SIK3: variants seen among roughly 807,000 people sequenced by gnomAD.
The protein encoded by SIK3 is SIK family kinase 3, also known as serine/threonine-protein kinase SIK3.
SIK3 carries 28 observed loss-of-function variants against 144.2 expected under a neutral mutation model. That is an observed-to-expected ratio of 0.19 (90% CI 0.14 to 0.27). The LOEUF is 0.27. SIK3 is among the 10% of genes least tolerant of loss of function. SIK3 has a pLI of 1.00. For synonymous variants in SIK3, 686 were observed against 676.3 expected (o/e 1.01, Z -0.22); for missense variants, 1,319 against 1,776.0 (o/e 0.74, Z 4.62).
intron 1 of SIK3, among the ~76,000 whole-genome samples, chr11:116,998,402 C>T (rs1392271185): frequency 6.8e-6 from 1 of 147,658 alleles, no homozygotes; most frequent in African/African-American, 2.5e-5. Context: ...ACCCTGGAGG[C>T]GAAGGCTGCA....
At chr11:116,888,873 A>G (rs1002549297) in intron 6 of SIK3, among the ~76,000 whole-genome samples, 1 of 152,216 alleles carries the variant, frequency 6.6e-6, no homozygotes, top group Non-Finnish European at 1.5e-5. Context: ...GTTTATTTCT[A>G]AGCACTAATA....
intron 1 of SIK3, among the ~76,000 whole-genome samples, chr11:117,051,174 C>T (rs1591613184): frequency 6.6e-6 from 1 of 152,300 alleles, no homozygotes; most frequent in East Asian, 1.9e-4. Context: ...CTGGGATATC[C>T]ATCTTCTCCC....
intron 1 of SIK3, among the ~76,000 whole-genome samples, chr11:117,069,186 G>GC (rs1954153237): frequency 1.3e-4 from 1 of 7,746 alleles, no homozygotes; most frequent in Admixed American, 1.0e-3. Flanking sequence ...TTTTTTTTTG[G>GC]GGGGGGGGGG....
chr11:116,977,412 A>G (rs563071349), intron 1 of SIK3, among the ~76,000 whole-genome samples: 3 of 152,278 alleles, frequency 2.0e-5, no homozygotes, highest in Non-Finnish European at 4.4e-5. Context: ...GGCTCTTCAA[A>G]GAAGAATAGA....
intron 3 of SIK3, among the ~76,000 whole-genome samples, chr11:116,943,887 A>G (rs1262654227): frequency 6.6e-6 from 1 of 151,060 alleles, no homozygotes; most frequent in Admixed American, 6.6e-5. Flanking sequence ...ATAATTTCAG[A>G]TTTTCTTGTA....
intron 1 of SIK3, among the ~76,000 whole-genome samples, chr11:116,974,440 G>C (rs529160134): frequency 2.6e-5 from 4 of 152,154 alleles, no homozygotes; most frequent in African/African-American, 9.6e-5. Flanking sequence ...CAGGGTCTTT[G>C]TCACCCAGGC....
intron 21 of SIK3, chr11:116,855,280 TCTC>T (rs1942814591): frequency 6.6e-6 from 1 of 152,098 alleles, no homozygotes; most frequent in African/African-American, 2.4e-5. Flanking sequence ...TTCTCTTGCT[TCTC>T]CTCTAGATCC....
chr11:117,046,202 C>T (rs1952956689), intron 1 of SIK3, among the ~76,000 whole-genome samples: 1 of 152,214 alleles, frequency 6.6e-6, no homozygotes, highest in Admixed American at 6.5e-5. Context: ...TTTTAACAAG[C>T]ATGACACAAC....
intron 4 of SIK3, among the ~76,000 whole-genome samples, chr11:116,900,338 T>C (rs1482964799): frequency 6.6e-6 from 1 of 152,210 alleles, no homozygotes; most frequent in Non-Finnish European, 1.5e-5. Flanking sequence ...CTCTTTTCTA[T>C]TTCCATTTCT....
chr11:117,022,707 A>G (rs896916132), intron 1 of SIK3, among the ~76,000 whole-genome samples: 2 of 152,198 alleles, frequency 1.3e-5, no homozygotes, highest in Non-Finnish European at 2.9e-5. Context: ...CTCCTCTGAG[A>G]CGGGTTAAGA....
At chr11:116,900,861 AT>A (rs1244872831) in intron 4 of SIK3, among the ~76,000 whole-genome samples, 1 of 146,598 alleles carries the variant, frequency 6.8e-6, no homozygotes, top group African/African-American at 2.7e-5. Context: ...CATATATATT[AT>A]TTATTTTTTT....
chr11:117,069,359 C>T (rs148545287), intron 1 of SIK3, among the ~76,000 whole-genome samples: 99 of 152,262 alleles, frequency 6.5e-4, no homozygotes, highest in African/African-American at 2.3e-3. Flanking sequence ...CCCAGCAAAT[C>T]TCAGACACAT....
chr11:116,871,373 A>G (rs1373897693), intron 13 of SIK3, among the ~76,000 whole-genome samples: 1 of 152,234 alleles, frequency 6.6e-6, no homozygotes, highest in Non-Finnish European at 1.5e-5. Context: ...CAGTTCTACA[A>G]GGGTGGAGTG....
At chr11:116,895,936 A>G (rs1945376394) in intron 6 of SIK3, among the ~76,000 whole-genome samples, 1 of 152,210 alleles carries the variant, frequency 6.6e-6, no homozygotes, top group Non-Finnish European at 1.5e-5. Flanking sequence ...GGGCCTACTG[A>G]GTCTTCACAT....
At chr11:116,954,016 GT>G (rs753814968) in intron 3 of SIK3, 27 bp downstream of exon 3, 1 of 1,598,748 alleles carries the variant, frequency 6.3e-7, no homozygotes, top group South Asian at 1.1e-5. Context: ...CTCAATAGCT[GT>G]TTAAAGAATG....
chr11:116,931,532 C>G (rs1430005818), intron 3 of SIK3, among the ~76,000 whole-genome samples: 1 of 152,176 alleles, frequency 6.6e-6, no homozygotes, highest in African/African-American at 2.4e-5. Flanking sequence ...AAAACACTAG[C>G]TGAAAATGAA....
intron 1 of SIK3, among the ~76,000 whole-genome samples, chr11:117,055,502 G>A (rs1290361734): frequency 1.3e-5 from 2 of 152,216 alleles, no homozygotes; most frequent in African/African-American, 2.4e-5. Flanking sequence ...TCAAATCCTG[G>A]TCTCTCTGGT....
chr11:117,067,221 G>A (rs1954063754), intron 1 of SIK3, among the ~76,000 whole-genome samples: 1 of 152,104 alleles, frequency 6.6e-6, no homozygotes, highest in Admixed American at 6.6e-5. Flanking sequence ...ACGCAAAGCT[G>A]TACATGAAGT....
rs1341595182 is a variant in SIK3, at chr11:116,929,652, C to G, written c.455-2272G>C. ...ATCATTTATCCTGCCAATACCCCCACCTCTTGATCTTCTAAATACAAGTAA... is the reference window on the plus strand; with the variant it reads ...ATCATTTATCCTGCCAATACCCCCAGCTCTTGATCTTCTAAATACAAGTAA... On this transcript the variant is annotated intron_variant, in intron 3 of 24. Transcript: ENST00000445177. 2.0e-5 allele frequency among the ~76,000 whole-genome samples: 3 copies of G among 152,338 alleles called. No homozygotes were observed. In the East Asian group the frequency reaches 5.8e-4, roughly 29 times the overall value.
Sources: allele counts gnomAD v4.1 joint callset (sites outside exome capture counted in the v4.1 genomes callset), GRCh38; gene constraint gnomAD v4.1.1; transcripts MANE v1.5; gene names NCBI Gene and HGNC (gene_info 2026-07-23, HGNC 2026-07-21).